Variants in AUTS2 observed in about 807,000 individuals in gnomAD.
AUTS2 encodes autism susceptibility gene 2 protein.
A neutral mutation model predicts 112.4 loss-of-function variants in AUTS2; 17 were observed. The observed-to-expected ratio is 0.15, with a 90% CI of 0.10 to 0.23. AUTS2 has a LOEUF of 0.23. AUTS2 is among the 10% of genes least tolerant of loss of function. AUTS2 has a pLI of 1.00. For synonymous variants in AUTS2, 751 were observed against 702.7 expected (o/e 1.07, Z -1.09); for missense variants, 1,510 against 1,701.6 (o/e 0.89, Z 1.98).
chr7:69,681,208 A>G lies in AUTS2; in HGVS notation c.309+81246A>G, dbSNP rs563714691. Among the ~76,000 whole-genome samples, 20 of 152,356 alleles carry G rather than the reference A, an allele frequency of 1.3e-4. 1 individual carries two copies. In the South Asian group the frequency reaches 1.9e-3, roughly 14 times the overall value. On this transcript the variant is annotated intron_variant, in intron 1 of 18. Coordinates refer to ENST00000342771, the MANE Select transcript of AUTS2 (RefSeq NM_015570.4). ...TTGGCTATTGTGAATTAGTGCTTCT[A>G]TGAACACGAGTGTGCAAATTTCTCT...
intron 1 of AUTS2, among the ~76,000 whole-genome samples, chr7:69,712,388 T>C (rs1798367997): frequency 6.6e-6 from 1 of 151,838 alleles, no homozygotes; most frequent in Non-Finnish European, 1.5e-5. Flanking sequence ...TTCTCTTCTT[T>C]CCTTGTCTTG....
chr7:70,532,528 CA>C (rs1477280515), intron 5 of AUTS2, among the ~76,000 whole-genome samples: 1 of 152,090 alleles, frequency 6.6e-6, no homozygotes, highest in Non-Finnish European at 1.5e-5. Context: ...ACCAGGGTAT[CA>C]GACACCAAGA....
intron 1 of AUTS2, among the ~76,000 whole-genome samples, chr7:69,787,903 C>T (rs565760611): frequency 1.1e-4 from 16 of 152,262 alleles, no homozygotes; most frequent in African/African-American, 3.6e-4. Flanking sequence ...CCAGTTTTAC[C>T]TACTTCCCCA....
intron 5 of AUTS2, among the ~76,000 whole-genome samples, chr7:70,685,491 AAAG>A (rs1205844003): frequency 0.021 from 3,169 of 148,034 alleles, 94 homozygotes; most frequent in African/African-American, 0.063. Flanking sequence ...AAAAAAAAAA[AAAG>A]AAGAAGAAAA....
In AUTS2 at chr7:69,968,331, A is replaced by G. The variant is rs1471131067; in HGVS notation, c.522+68833A>G. On this transcript the variant is annotated intron_variant, in intron 2 of 18. Coordinates refer to ENST00000342771, the MANE Select transcript of AUTS2 (RefSeq NM_015570.4). ...TCTCTTTACTGTCTGTCAGGGGATT[A>G]TATTTTATGAATGAATTTTGGTTGT... Among the ~76,000 whole-genome samples, 5 of 152,330 alleles carry G rather than the reference A, an allele frequency of 3.3e-5. No homozygotes were observed. In the East Asian group the frequency reaches 9.7e-4, roughly 29 times the overall value.
chr7:70,557,345 G>A lies in AUTS2; in HGVS notation c.690+121564G>A, dbSNP rs186516967. Among the ~76,000 whole-genome samples the A allele has an allele frequency of 2.0e-4, 31 of 152,270 alleles. No homozygotes were observed. In the East Asian group the frequency reaches 5.8e-3, roughly 29 times the overall value. ...GTGCCTCTGGCCACAGCCACCCCTG[G>A]ACTTTCAGCTGGCCAGTGCTCCCAG... On this transcript the variant is annotated intron_variant, in intron 5 of 18. Transcript: ENST00000342771.
At position 70,448,166 on chromosome 7, in the gene AUTS2, C is replaced by T. The variant is rs184438121; in HGVS notation, c.690+12385C>T. Among the ~76,000 whole-genome samples the T allele has an allele frequency of 5.9e-5, 9 of 152,242 alleles. No individual in the cohort carries two copies. The East Asian group carries it at 7.7e-4, about 13-fold the overall frequency. ...GTGGACATGACTTTTTGTTCTGACA[C>T]GGAAATACCCCTTTTTACCTCTCTA... is the stretch of plus-strand genomic sequence containing the variant. On this transcript the variant is annotated intron_variant, in intron 5 of 18. Transcript: ENST00000342771.
At chr7:70,318,055 G>A (rs185947319) in intron 4 of AUTS2, among the ~76,000 whole-genome samples, 47 of 152,180 alleles carry the variant, frequency 3.1e-4, no homozygotes, top group Admixed American at 5.9e-4. Flanking sequence ...TCACTGCGGC[G>A]TTTTTAAAGC....
At position 70,171,035 on chromosome 7, in the gene AUTS2, C is replaced by T. The variant is rs147473877; in HGVS notation, c.660+36464C>T. 2.2e-4 allele frequency among the ~76,000 whole-genome samples: 34 copies of T among 152,272 alleles called. No individual in the cohort carries two copies. The East Asian group carries it at 4.4e-3, about 20-fold the overall frequency. ...TGTGGTAAATTCACTGAATGATAGA[C>T]GGAAATTTCAGCCTTCTTGGGTCTA... On this transcript the variant is annotated intron_variant, in intron 4 of 18. Transcript: ENST00000342771.
At chr7:70,630,698 G>A (rs1805213673) in intron 5 of AUTS2, among the ~76,000 whole-genome samples, 1 of 152,208 alleles carries the variant, frequency 6.6e-6, no homozygotes, top group Non-Finnish European at 1.5e-5. Context: ...AACTAGCTGA[G>A]CTGAAGCCCG....
chr7:70,768,365 T>A (rs1790070744), intron 10 of AUTS2, among the ~76,000 whole-genome samples: 1 of 149,940 alleles, frequency 6.7e-6, no homozygotes, highest in African/African-American at 2.4e-5. Flanking sequence ...TCAGTAGAGT[T>A]CCAGGAGAGT....
chr7:70,484,404 G>A (rs746060978), intron 5 of AUTS2, among the ~76,000 whole-genome samples: 2 of 152,170 alleles, frequency 1.3e-5, no homozygotes, highest in Non-Finnish European at 2.9e-5. Flanking sequence ...GTAGTACTTG[G>A]GGATTTGTTT....
intron 2 of AUTS2, among the ~76,000 whole-genome samples, chr7:70,085,951 C>T (rs974593578): frequency 2.0e-5 from 3 of 151,996 alleles, no homozygotes; most frequent in African/African-American, 7.2e-5. Context: ...GGAAATGTGA[C>T]AGAAAACATG....
At chr7:70,312,393 A>G (rs1024683367) in intron 4 of AUTS2, among the ~76,000 whole-genome samples, 6 of 152,336 alleles carry the variant, frequency 3.9e-5, no homozygotes, top group African/African-American at 1.4e-4. Context: ...CAGTTTAAGT[A>G]AAAAGAACTT....
intron 1 of AUTS2, among the ~76,000 whole-genome samples, chr7:69,851,459 A>T (rs947646784): frequency 1.5e-4 from 23 of 152,294 alleles, no homozygotes; most frequent in African/African-American, 5.1e-4. Context: ...CATGTTGCTC[A>T]GGCTGGTCTT....
intron 1 of AUTS2, among the ~76,000 whole-genome samples, chr7:69,716,938 A>G (rs1290486689): frequency 6.6e-6 from 1 of 152,152 alleles, no homozygotes; most frequent in Non-Finnish European, 1.5e-5. Context: ...AAGGGGAGTG[A>G]GTGGACTTCT....
chr7:70,347,602 T>G (rs1468891470), intron 4 of AUTS2, among the ~76,000 whole-genome samples: 2 of 152,164 alleles, frequency 1.3e-5, no homozygotes, highest in East Asian at 3.9e-4. Context: ...CTACCTACAC[T>G]TCCCCCTCTT....
chr7:70,090,257 T>G (rs1803842413), intron 2 of AUTS2, among the ~76,000 whole-genome samples: 1 of 152,042 alleles, frequency 6.6e-6, no homozygotes. Flanking sequence ...TTGTTTCAAC[T>G]CTCTTGTTGT....
At chr7:69,950,251 C>T (rs1049959161) in intron 2 of AUTS2, among the ~76,000 whole-genome samples, 5 of 152,054 alleles carry the variant, frequency 3.3e-5, no homozygotes, top group Admixed American at 3.3e-4. Context: ...GTGAGCAGCT[C>T]TGTGTATTCC....
Sources: gnomAD v4.1 joint callset for allele counts (sites outside exome capture counted in the v4.1 genomes callset) on GRCh38, gnomAD v4.1.1 for gene constraint, MANE v1.5 for transcripts, NCBI Gene and HGNC (gene_info 2026-07-23, HGNC 2026-07-21) for gene names.